Variants in TAB3 observed in about 807,000 individuals in gnomAD.
TAB3 encodes TGF-beta-activated kinase 1 and MAP3K7-binding protein 3.
A neutral mutation model predicts 48.1 loss-of-function variants in TAB3; 18 were observed. The observed-to-expected ratio is 0.37, with a 90% CI of 0.26 to 0.55. The LOEUF (loss-of-function observed/expected upper bound fraction) is 0.55, where lower values mean the gene tolerates loss of function less well. Ranked by LOEUF, TAB3 falls within the 20% of genes least tolerant of loss-of-function variation. TAB3 has a pLI of 0.78. For synonymous variants in TAB3, 185 were observed against 190.2 expected (o/e 0.97, Z 0.22); for missense variants, 414 against 549.8 (o/e 0.75, Z 2.47).
rs1430707968 is a variant in TAB3 at position 30,873,132 on chromosome X, AT to A, written c.-382-1332del. ...AAACAAACCAACTATCAAAAAACGA[AT>A]TTTTTTTAGACAATTAGGGAAATTT... On this transcript the variant is annotated intron_variant, in intron 1 of 10. Coordinates refer to ENST00000288422, the MANE Select transcript of TAB3 (RefSeq NM_152787.5). Among the ~76,000 whole-genome samples, 6 of 111,953 alleles carry A rather than the reference AT, an allele frequency of 5.4e-5. No homozygotes were observed. The East Asian group carries it at 1.7e-3, about 31-fold the overall frequency.
At chrX:30,867,239 T>C (rs1187004513) in intron 3 of TAB3, 21 bp from the exon 4 acceptor site, 1 of 111,445 alleles carries the variant, frequency 9.0e-6, no homozygotes, top group African/African-American at 3.3e-5. Flanking sequence ...AAAAAAAACA[T>C]GTTCAGTAAA....
chrX:30,833,625 A>G (rs1938095017), intron 10 of TAB3, among the ~76,000 whole-genome samples: 1 of 109,906 alleles, frequency 9.1e-6, no homozygotes, highest in Non-Finnish European at 1.9e-5. Flanking sequence ...AGGTCAGGAG[A>G]TCGATACCAT....
chrX:30,887,531 T>C (rs1191255051), intron 1 of TAB3, among the ~76,000 whole-genome samples: 1 of 112,927 alleles, frequency 8.9e-6, no homozygotes, highest in Non-Finnish European at 1.9e-5. Context: ...ACACACACTC[T>C]AGAATCAGAC....
chrX:30,875,686 A>T (rs1306996798), intron 1 of TAB3, among the ~76,000 whole-genome samples: 2 of 112,421 alleles, frequency 1.8e-5, no homozygotes, highest in Non-Finnish European at 3.8e-5. Context: ...TGAAATTTAA[A>T]TAAACCTGTC....
intron 8 of TAB3, 146 bp from the exon 9 acceptor site, chrX:30,843,195 C>T (rs976584267): frequency 2.2e-5 from 9 of 406,016 alleles, no homozygotes; most frequent in African/African-American, 2.1e-4. Flanking sequence ...ATTCTGTCCT[C>T]CCAATGAAAT....
chrX:30,864,607 CT>C (rs1444670110), intron 4 of TAB3, among the ~76,000 whole-genome samples: 1 of 112,334 alleles, frequency 8.9e-6, no homozygotes, highest in African/African-American at 3.2e-5. Flanking sequence ...ACATCTAGTG[CT>C]TTGTTTCCAC....
chrX:30,856,718 A>T (rs1939090061), intron 5 of TAB3, among the ~76,000 whole-genome samples: 1 of 112,166 alleles, frequency 8.9e-6, no homozygotes, highest in Admixed American at 9.5e-5. Flanking sequence ...AATGAAGTTA[A>T]ACCTAAAACA....
At chrX:30,849,929 ATATTT>A (rs1938773786) in intron 7 of TAB3, among the ~76,000 whole-genome samples, 1 of 112,618 alleles carries the variant, frequency 8.9e-6, no homozygotes, top group African/African-American at 3.2e-5. Flanking sequence ...CAACCAACAC[ATATTT>A]TATAAGAACA....
chrX:30,868,540 ATATATATATATATATATATATATAGCT>A (rs1162130652), intron 2 of TAB3, among the ~76,000 whole-genome samples: 40 of 2,971 alleles, frequency 0.013, 10 homozygotes, highest in African/African-American at 0.13. Flanking sequence ...TATATAGCTT[ATATATATATATATATATATATATAGCT>A]TATATATATA....
intron 1 of TAB3, among the ~76,000 whole-genome samples, chrX:30,874,909 C>T (rs1046943816): frequency 1.8e-5 from 2 of 111,846 alleles, no homozygotes; most frequent in Non-Finnish European, 3.8e-5. Flanking sequence ...AAAATTGAGA[C>T]ATGTCTAAAA....
At chrX:30,876,038 A>C (rs1295755743) in intron 1 of TAB3, among the ~76,000 whole-genome samples, 1 of 112,140 alleles carries the variant, frequency 8.9e-6, no homozygotes, top group African/African-American at 3.2e-5. Flanking sequence ...GAAGGACAAA[A>C]GGGAAAATCC....
At chrX:30,857,623 T>C (rs1327386295) in intron 5 of TAB3, among the ~76,000 whole-genome samples, 1 of 111,072 alleles carries the variant, frequency 9.0e-6, no homozygotes, top group Non-Finnish European at 1.9e-5. Context: ...CAAAATGATA[T>C]AAAGTTGGAA....
At chrX:30,870,161 G>A (rs1357802946) in intron 2 of TAB3, among the ~76,000 whole-genome samples, 2 of 112,262 alleles carry the variant, frequency 1.8e-5, no homozygotes, top group East Asian at 2.8e-4. Context: ...AACTCTTCAC[G>A]TTATGAATTT....
At chrX:30,833,007 G>A (rs911112794) in intron 10 of TAB3, among the ~76,000 whole-genome samples, 7 of 94,526 alleles carry the variant, frequency 7.4e-5, no homozygotes, top group Admixed American at 2.4e-4. Flanking sequence ...GTCTTGCTCT[G>A]TTGCCCAGGC....
intron 1 of TAB3, among the ~76,000 whole-genome samples, chrX:30,888,802 G>C (rs939774269): frequency 5.3e-5 from 6 of 112,642 alleles, no homozygotes; most frequent in Non-Finnish European, 1.1e-4. Context: ...CCTAGGGTCC[G>C]GCGAGGAAGG....
intron 9 of TAB3, among the ~76,000 whole-genome samples, chrX:30,838,049 A>G (rs757009535): frequency 8.9e-6 from 1 of 112,252 alleles, no homozygotes; most frequent in Middle Eastern, 4.2e-3. Context: ...TCCTATACCA[A>G]TATCACACTG....
intron 1 of TAB3, among the ~76,000 whole-genome samples, chrX:30,888,183 C>A (rs894122304): frequency 8.9e-6 from 1 of 112,416 alleles, no homozygotes; most frequent in South Asian, 3.6e-4. Flanking sequence ...TGAAAAAGTG[C>A]GCAAAGAAAG....
At chrX:30,870,291 T>A (rs947816378) in intron 2 of TAB3, among the ~76,000 whole-genome samples, 4 of 112,663 alleles carry the variant, frequency 3.6e-5, no homozygotes, top group Admixed American at 9.4e-5. Context: ...ATAATCAGTC[T>A]CATTAACCCT....
chrX:30,840,262 T>G (rs1239039977), intron 9 of TAB3, among the ~76,000 whole-genome samples: 2 of 111,508 alleles, frequency 1.8e-5, no homozygotes, highest in Non-Finnish European at 3.8e-5. Context: ...CTTTCCTTTC[T>G]TCTACTTTGT....
Sources: gnomAD v4.1 joint callset for allele counts (sites outside exome capture counted in the v4.1 genomes callset) on GRCh38, gnomAD v4.1.1 for gene constraint, MANE v1.5 for transcripts, NCBI Gene and HGNC (gene_info 2026-07-23, HGNC 2026-07-21) for gene names.